Variants in WFDC1 observed in about 807,000 individuals in gnomAD.
The protein encoded by WFDC1 is WAP four-disulfide core domain protein 1.
Under a neutral mutation model 32.9 loss-of-function variants are expected in WFDC1, and 39 were observed. The observed-to-expected ratio is 1.19, with a 90% CI of 0.92 to 1.55. WFDC1 has a LOEUF of 1.55. Ranked by LOEUF, WFDC1 falls within the 40% of genes most tolerant of loss-of-function variation. The probability of loss-of-function intolerance (pLI) is 0.00; values close to 1 mark genes in which losing one functional copy is unlikely to be tolerated. For synonymous variants in WFDC1, 184 were observed against 137.4 expected (o/e 1.34, Z -2.37); for missense variants, 386 against 309.5 (o/e 1.25, Z -1.85).
Position 84,295,052 on chromosome 16 carries a change from C to T in WFDC1, c.81C>T (p.His27=), listed in dbSNP as rs150880096. ...RALCLLLLLL[H]AGSAKNIWKR... ...TGTGCCTCTTGCTACTTCTCCTCCACGCCGGCTCTGCCAAGAATATCTGGA... is the reference window on the plus strand; with the variant it reads ...TGTGCCTCTTGCTACTTCTCCTCCATGCCGGCTCTGCCAAGAATATCTGGA... The change falls in exon 1 of 7, where the codon CAC becomes CAT. Residue 27 remains histidine, a synonymous_variant. Transcript: ENST00000219454. The T allele has an allele frequency of 3.5e-5, 56 of 1,614,122 alleles. No homozygotes were observed. The highest frequency in any genetic ancestry group is 2.5e-4 in the South Asian group (23 of 91,092).
intron 1 of WFDC1, among the ~76,000 whole-genome samples, chr16:84,298,288 T>C (rs1421725428): frequency 9.9e-5 from 15 of 152,106 alleles, no homozygotes; most frequent in Admixed American, 9.8e-4. Flanking sequence ...TTTGTATTTT[T>C]AGTAGAGATG....
intron 1 of WFDC1, 35 bp from the exon 2 acceptor site, chr16:84,312,926 G>A: frequency 8.8e-7 from 1 of 1,142,244 alleles, no homozygotes; most frequent in Non-Finnish European, 1.1e-6. Flanking sequence ...TCGAACGCGC[G>A]CCCCAGAGCT....
At chr16:84,307,444 G>A (rs894519255) in intron 1 of WFDC1, among the ~76,000 whole-genome samples, 2 of 152,080 alleles carry the variant, frequency 1.3e-5, no homozygotes, top group Admixed American at 6.6e-5. Flanking sequence ...TAAATAACTC[G>A]GGAGATGTGG....
intron 2 of WFDC1, among the ~76,000 whole-genome samples, chr16:84,313,416 TG>T (rs1219119917): frequency 6.6e-6 from 1 of 151,948 alleles, no homozygotes; most frequent in African/African-American, 2.4e-5. Flanking sequence ...CCTATGAAAA[TG>T]GGATGGGGGC....
intron 1 of WFDC1, among the ~76,000 whole-genome samples, chr16:84,305,751 C>T (rs986918439): frequency 6.6e-6 from 1 of 152,142 alleles, no homozygotes; most frequent in African/African-American, 2.4e-5. Flanking sequence ...CTTGTAATCC[C>T]AGCACTTTGG....
At chr16:84,308,537 T>G (rs536439175) in intron 1 of WFDC1, among the ~76,000 whole-genome samples, 12 of 152,334 alleles carry the variant, frequency 7.9e-5, no homozygotes, top group African/African-American at 2.9e-4. Context: ...AAGGGTGATT[T>G]GGCCAATTGA....
chr16:84,313,913 G>T (rs1254118189), intron 2 of WFDC1, among the ~76,000 whole-genome samples: 2 of 152,278 alleles, frequency 1.3e-5, no homozygotes, highest in East Asian at 3.9e-4. Context: ...GTGGTGGCAG[G>T]AGCCTCAAAT....
At chr16:84,320,391 A>G (rs1484095106) in intron 4 of WFDC1, among the ~76,000 whole-genome samples, 1 of 152,268 alleles carries the variant, frequency 6.6e-6, no homozygotes, top group Non-Finnish European at 1.5e-5. Flanking sequence ...GCATTGAATT[A>G]GAATTGTCTG....
At chr16:84,302,463 C>G (rs1001798537) in intron 1 of WFDC1, among the ~76,000 whole-genome samples, 1 of 152,140 alleles carries the variant, frequency 6.6e-6, no homozygotes, top group Non-Finnish European at 1.5e-5. Flanking sequence ...CTTGTGAGTC[C>G]TCTGTGTCCC....
At chr16:84,315,009 A>G (rs1425211850) in intron 2 of WFDC1, among the ~76,000 whole-genome samples, 1 of 152,218 alleles carries the variant, frequency 6.6e-6, no homozygotes, top group East Asian at 1.9e-4. Context: ...AAGCTCAGAG[A>G]AGCTGAATCA....
intron 1 of WFDC1, among the ~76,000 whole-genome samples, chr16:84,303,678 A>AT (rs1320521962): frequency 6.6e-5 from 10 of 152,210 alleles, no homozygotes; most frequent in Admixed American, 5.9e-4. Flanking sequence ...TTGAAATGAA[A>AT]TTCACATGAC....
chr16:84,318,316 A>G lies in WFDC1; in HGVS notation c.382A>G (p.Asn128Asp). The part of the protein sequence containing the change: ...VQPKPRWLGG[N>D]GWLLDGPEEV... ...GCCGAAACCTCGATGGCTTGGTGGC[A>G]ATGGCTGGCTCCTGGATGGCCCTGA... The change falls in exon 3 of 7, where the codon AAT becomes GAT. Residue 128 changes from asparagine (N) to aspartate (D), a missense_variant. Coordinates refer to ENST00000219454, the MANE Select transcript of WFDC1 (RefSeq NM_021197.4). 1.2e-6 allele frequency: 2 copies of G among 1,614,096 alleles called. No homozygotes were observed. Among genetic ancestry groups the G allele is most frequent in the South Asian group, 1.1e-5 (1 of 91,082 alleles).
At chr16:84,314,893 A>T (rs1468475063) in intron 2 of WFDC1, among the ~76,000 whole-genome samples, 1 of 152,220 alleles carries the variant, frequency 6.6e-6, no homozygotes, top group African/African-American at 2.4e-5. Flanking sequence ...CAGTGCACAG[A>T]TGATACAACT....
At position 84,301,267 on chromosome 16, in the gene WFDC1, G is replaced by A. The variant is rs1206789524; in HGVS notation, c.144+6152G>A. ...TGTTGTTTTAAGCCCCCAGCGTGTG[G>A]CATTTTGTTGCAGCACCCTCGGACA... On this transcript the variant is annotated intron_variant, in intron 1 of 6. Transcript: ENST00000219454. 3.3e-5 allele frequency among the ~76,000 whole-genome samples: 5 copies of A among 152,166 alleles called. No homozygotes were observed. The South Asian group carries it at 1.0e-3, about 32-fold the overall frequency.
At chr16:84,302,529 C>T (rs1051974707) in intron 1 of WFDC1, among the ~76,000 whole-genome samples, 3 of 152,028 alleles carry the variant, frequency 2.0e-5, no homozygotes, top group African/African-American at 7.2e-5. Flanking sequence ...CACTCCGGCT[C>T]GTGGGTCATC....
chr16:84,319,268 A>G, intron 3 of WFDC1, 163 bp from the exon 4 acceptor site: 1 of 889,034 alleles, frequency 1.1e-6, no homozygotes, highest in Non-Finnish European at 1.7e-6. Context: ...CCGCTGAGTG[A>G]GACCCAGGGC....
chr16:84,319,141 A>G, intron 3 of WFDC1: 1 of 460,652 alleles, frequency 2.2e-6, no homozygotes, highest in Non-Finnish European at 3.9e-6. Context: ...TTCAGGGTGT[A>G]TCCGTGAACA....
At chr16:84,298,643 C>A (rs1360692403) in intron 1 of WFDC1, among the ~76,000 whole-genome samples, 1 of 152,170 alleles carries the variant, frequency 6.6e-6, no homozygotes, top group Non-Finnish European at 1.5e-5. Flanking sequence ...TCAGTCCTGA[C>A]CAAGCGCAGG....
At chr16:84,313,772 C>G (rs150722842) in intron 2 of WFDC1, among the ~76,000 whole-genome samples, 3 of 152,342 alleles carry the variant, frequency 2.0e-5, no homozygotes, top group African/African-American at 7.2e-5. Context: ...TCAGATCCAC[C>G]GGCCAGCTGT....
Sources: gnomAD v4.1 joint callset for allele counts (sites outside exome capture counted in the v4.1 genomes callset) on GRCh38, gnomAD v4.1.1 for gene constraint, MANE v1.5 for transcripts, NCBI Gene and HGNC (gene_info 2026-07-23, HGNC 2026-07-21) for gene names.